The following NRG1 variants were observed in gnomAD, a reference collection of about 807,000 sequenced individuals.
NRG1 encodes the protein pro-neuregulin-1, membrane-bound isoform.
NRG1 carries 18 observed loss-of-function variants against 63.8 expected under a neutral mutation model. The ratio of observed to expected loss-of-function variants is 0.28; its 90% CI spans 0.19 to 0.42. The LOEUF is 0.42. Ranked by LOEUF, NRG1 falls within the 10% of genes least tolerant of loss-of-function variation. NRG1 has a pLI of 1.00. For synonymous variants in NRG1, 302 were observed against 301.3 expected (o/e 1.00, Z -0.02); for missense variants, 762 against 814.7 (o/e 0.94, Z 0.79).
chr8:32,572,232 A>AT (rs1333660854), intron 1 of NRG1, among the ~76,000 whole-genome samples: 1 of 152,142 alleles, frequency 6.6e-6, no homozygotes, highest in Non-Finnish European at 1.5e-5. Flanking sequence ...CCATGTCTTA[A>AT]TTTTTGAAAT....
chr8:32,011,161 G>A lies in NRG1; in HGVS notation c.37+371730G>A, dbSNP rs140516286. ...CGGCTTCTCACCACGATGTCAGTACGGAAGTTTGAAAGAAAAATGTATGCG... is the reference window on the plus strand; with the variant it reads ...CGGCTTCTCACCACGATGTCAGTACAGAAGTTTGAAAGAAAAATGTATGCG... On this transcript the variant is annotated intron_variant, in intron 1 of 10. Transcript: ENST00000519301. Among the ~76,000 whole-genome samples, 439 of 152,082 alleles carry A rather than the reference G, an allele frequency of 2.9e-3. 3 individuals are homozygous for A. In the Middle Eastern group the frequency reaches 0.037, roughly 13 times the overall value.
At chr8:32,193,628 G>A (rs192731167) in intron 1 of NRG1, among the ~76,000 whole-genome samples, 58 of 152,238 alleles carry the variant, frequency 3.8e-4, no homozygotes, top group Non-Finnish European at 5.3e-4. Context: ...TAGAGGCTCG[G>A]TGTTATGGGT....
chr8:32,326,008 G>A (rs1397853750), intron 1 of NRG1, among the ~76,000 whole-genome samples: 3 of 139,382 alleles, frequency 2.2e-5, no homozygotes, highest in African/African-American at 7.9e-5. Context: ...CACATCAGAT[G>A]TCACTTTTTT....
rs552599240 is a variant in NRG1, at chr8:32,444,987, A to G, written c.38-150841A>G. 3.3e-5 allele frequency among the ~76,000 whole-genome samples: 5 copies of G among 152,342 alleles called. No homozygotes were observed. In the East Asian group the frequency reaches 9.7e-4, roughly 29 times the overall value. On this transcript the variant is annotated intron_variant, in intron 1 of 10. Transcript: ENST00000519301. ...CTGCCCTTACATGTAGTGGTGATTC[A>G]CAGAGAATTTGGGGAGGAAAGTAGC...
chr8:32,236,995 T>C (rs1264049772), intron 1 of NRG1, among the ~76,000 whole-genome samples: 1 of 152,090 alleles, frequency 6.6e-6, no homozygotes, highest in Non-Finnish European at 1.5e-5. Flanking sequence ...ATGGGAATGA[T>C]AAAACTTCAA....
intron 1 of NRG1, among the ~76,000 whole-genome samples, chr8:32,417,747 G>A (rs769418972): frequency 5.9e-5 from 9 of 151,936 alleles, no homozygotes; most frequent in Non-Finnish European, 1.2e-4. Flanking sequence ...GGGGGGGTGT[G>A]TTATAGAAGT....
At chr8:32,312,402 G>A (rs1418838763) in intron 1 of NRG1, among the ~76,000 whole-genome samples, 2 of 137,758 alleles carry the variant, frequency 1.5e-5, no homozygotes, top group East Asian at 2.2e-4. Context: ...CTGAAACTCC[G>A]GACCTCAAGT....
chr8:32,581,609 C>T (rs942670055), intron 1 of NRG1, among the ~76,000 whole-genome samples: 10 of 152,022 alleles, frequency 6.6e-5, no homozygotes, highest in African/African-American at 2.4e-4. Flanking sequence ...GATAAAATAC[C>T]TTATATTAAA....
At chr8:32,630,124 G>T (rs990523312) in intron 5 of NRG1, among the ~76,000 whole-genome samples, 6 of 152,142 alleles carry the variant, frequency 3.9e-5, no homozygotes, top group Admixed American at 2.0e-4. Flanking sequence ...GATGGTAGAG[G>T]TTGAAGGCTC....
intron 1 of NRG1, among the ~76,000 whole-genome samples, chr8:32,485,784 G>T (rs1825825648): frequency 6.6e-6 from 1 of 152,180 alleles, no homozygotes. Flanking sequence ...CCTTAAAGTT[G>T]TAATCTTTTC....
intron 1 of NRG1, among the ~76,000 whole-genome samples, chr8:32,507,873 T>C (rs375951126): frequency 2.0e-5 from 3 of 152,232 alleles, no homozygotes; most frequent in African/African-American, 7.2e-5. Flanking sequence ...AATTTTTGTA[T>C]TTTTAGTAGA....
intron 1 of NRG1, among the ~76,000 whole-genome samples, chr8:32,020,711 C>T (rs1022077484): frequency 2.6e-5 from 4 of 152,164 alleles, no homozygotes; most frequent in South Asian, 2.1e-4. Context: ...TAATTTATAA[C>T]AAATATTTCA....
intron 1 of NRG1, among the ~76,000 whole-genome samples, chr8:32,305,603 G>A (rs1856102538): frequency 6.6e-6 from 1 of 152,118 alleles, no homozygotes; most frequent in Non-Finnish European, 1.5e-5. Context: ...AGTCCACTTA[G>A]CTTTGTCTCT....
chr8:32,153,352 A>G (rs2131842753), intron 1 of NRG1, among the ~76,000 whole-genome samples: 1 of 152,278 alleles, frequency 6.6e-6, no homozygotes, highest in South Asian at 2.1e-4. Context: ...ACTTTTTAAT[A>G]CAGAGAATGA....
chr8:32,500,493 A>G (rs1394764512), intron 1 of NRG1, among the ~76,000 whole-genome samples: 3 of 152,178 alleles, frequency 2.0e-5, no homozygotes, highest in African/African-American at 7.2e-5. Flanking sequence ...CCTTAAAACT[A>G]TTGGGTTATA....
At chr8:31,885,264 G>C (rs761028712) in intron 1 of NRG1, among the ~76,000 whole-genome samples, 1 of 152,040 alleles carries the variant, frequency 6.6e-6, no homozygotes, top group Admixed American at 6.6e-5. Context: ...AGAAGGGATG[G>C]TTGTGGAAAT....
chr8:32,189,803 C>T (rs902936011), intron 1 of NRG1, among the ~76,000 whole-genome samples: 1 of 152,104 alleles, frequency 6.6e-6, no homozygotes, highest in African/African-American at 2.4e-5. Flanking sequence ...CCTCTGAGAA[C>T]CTCATTTGGC....
chr8:32,722,085 TTAATATTCAAACATTTAA>T (rs1820802134), intron 5 of NRG1: 1 of 1,422,670 alleles, frequency 7.0e-7, no homozygotes, highest in Non-Finnish European at 9.6e-7. Flanking sequence ...GACTAGCAGT[TTAATATTCAAACATTTAA>T]AATGTGCATA....
intron 1 of NRG1, among the ~76,000 whole-genome samples, chr8:32,444,192 C>T (rs1006834178): frequency 1.3e-5 from 2 of 150,724 alleles, no homozygotes; most frequent in Non-Finnish European, 3.0e-5. Flanking sequence ...TATCATATTT[C>T]ACTGCCACCT....
Sources: allele counts gnomAD v4.1 joint callset (sites outside exome capture counted in the v4.1 genomes callset), GRCh38; gene constraint gnomAD v4.1.1; transcripts MANE v1.5; gene names NCBI Gene and HGNC (gene_info 2026-07-23, HGNC 2026-07-21).